The following POM121C variants were observed in gnomAD, a reference collection of about 807,000 sequenced individuals.
POM121C encodes nuclear envelope pore membrane protein POM 121C.
In POM121C, 20 loss-of-function variants were observed where a neutral mutation model predicts 66.4. That is an observed-to-expected ratio of 0.30 (90% CI 0.21 to 0.44). The LOEUF (loss-of-function observed/expected upper bound fraction) is 0.44, where lower values mean the gene tolerates loss of function less well. Ranked by LOEUF, POM121C falls within the 20% of genes least tolerant of loss-of-function variation. The pLI, the probability that POM121C is intolerant of heterozygous loss-of-function variation, is 1.00. For synonymous variants in POM121C, 286 were observed against 528.0 expected, an observed-to-expected ratio of 0.54 and a Z score of 6.28; for missense variants, 580 against 1,225.7, an observed-to-expected ratio of 0.47 and a Z score of 7.87.
At chr7:75,436,613 A>T (rs1338213174) in intron 7 of POM121C, among the ~76,000 whole-genome samples, 2 of 152,132 alleles carry the variant, frequency 1.3e-5, no homozygotes, top group Non-Finnish European at 2.9e-5. Context: ...TACATGCTTT[A>T]CATCTTTTTG....
chr7:75,427,940 C>T (rs1186255001), intron 7 of POM121C, among the ~76,000 whole-genome samples: 1 of 152,104 alleles, frequency 6.6e-6, no homozygotes, highest in Non-Finnish European at 1.5e-5. Flanking sequence ...ACGGCAATAA[C>T]AGTTGAAGTT....
intron 3 of POM121C, among the ~76,000 whole-genome samples, chr7:75,449,494 AGCTGAGACTATAGGCGCCC>A (rs1457200360): frequency 6.6e-6 from 1 of 151,740 alleles, no homozygotes; most frequent in Non-Finnish European, 1.5e-5. Flanking sequence ...CCTCCCGAGT[AGCTGAGACTATAGGCGCCC>A]GCTGCCACGC....
At chr7:75,439,102 T>C (rs1790528364) in intron 6 of POM121C, 42 bp downstream of exon 6, 3 of 1,608,134 alleles carry the variant, frequency 1.9e-6, no homozygotes, top group Non-Finnish European at 2.6e-6. Flanking sequence ...TCAGGCCTTT[T>C]TCCAAACAGT....
In POM121C at chr7:75,418,680, C is replaced by T; in HGVS notation, c.*116G>A. The stretch of plus-strand genomic sequence containing the variant: ...GCCACTGCCCCCTGGCGGCTGAAGC[C>T]AGAGATCCGGGGTAGGTTTGCTTTA... On this transcript the variant is annotated 3_prime_UTR_variant, in exon 15 of 15. Transcript: ENST00000615331. 7.2e-7 allele frequency: 1 copy of T among 1,381,060 alleles called. No individual in the cohort carries two copies. Among genetic ancestry groups the T allele is most frequent in the East Asian group, 2.8e-5 (1 of 35,456 alleles). The allele number at this position is 1,381,060 out of a possible 1,614,324, so 85.6% of individuals were successfully genotyped here.
At chr7:75,450,419 T>C (rs1790983766) in intron 3 of POM121C, among the ~76,000 whole-genome samples, 1 of 152,190 alleles carries the variant, frequency 6.6e-6, no homozygotes, top group Non-Finnish European at 1.5e-5. Flanking sequence ...CACTCAGTTG[T>C]TACACGGGCT....
intron 7 of POM121C, among the ~76,000 whole-genome samples, chr7:75,434,960 C>T (rs1554472899): frequency 5.9e-5 from 9 of 152,022 alleles, no homozygotes; most frequent in Non-Finnish European, 1.3e-4. Context: ...AGAAATGGTC[C>T]CTTTCATTCA....
intron 3 of POM121C, among the ~76,000 whole-genome samples, chr7:75,456,710 T>C (rs1791229425): frequency 1.3e-5 from 2 of 152,404 alleles, no homozygotes; most frequent in African/African-American, 2.4e-5. Flanking sequence ...GCAAAATGTA[T>C]TGCCGCTAAA....
At chr7:75,449,979 A>G (rs1484419354) in intron 3 of POM121C, among the ~76,000 whole-genome samples, 3 of 152,116 alleles carry the variant, frequency 2.0e-5, no homozygotes, top group Non-Finnish European at 4.4e-5. Flanking sequence ...GTGCCACTGC[A>G]CTCTAGCCTG....
At chr7:75,442,738 A>C (rs1554474292) in intron 3 of POM121C, 1 of 1,347,412 alleles carries the variant, frequency 7.4e-7, no homozygotes, top group East Asian at 3.1e-5. Context: ...CGCGCCGCGG[A>C]GGAGACTTAA....
intron 3 of POM121C, among the ~76,000 whole-genome samples, chr7:75,466,249 TAAG>T (rs1445788874): frequency 6.6e-6 from 1 of 151,050 alleles, no homozygotes; most frequent in African/African-American, 2.4e-5. Flanking sequence ...GCTTCCATTT[TAAG>T]AAACTAGAAA....
intron 2 of POM121C, 41 bp downstream of exon 2, chr7:75,475,021 C>T (rs1792023400): frequency 6.9e-7 from 1 of 1,457,464 alleles, no homozygotes; most frequent in Non-Finnish European, 9.6e-7. Context: ...AGCATAAAAC[C>T]CCATTCAACT....
At chr7:75,439,007 A>G (rs1408488664) in intron 6 of POM121C, 137 bp downstream of exon 6, 9 of 943,002 alleles carry the variant, frequency 9.5e-6, no homozygotes, top group Middle Eastern at 2.8e-4. Flanking sequence ...GTTACTCAGA[A>G]TATTCCTAAT....
intron 1 of POM121C, among the ~76,000 whole-genome samples, chr7:75,479,110 G>A (rs1468552099): frequency 6.6e-6 from 1 of 151,964 alleles, no homozygotes; most frequent in Non-Finnish European, 1.5e-5. Flanking sequence ...AAGCACTGTG[G>A]AGAAAAATCC....
chr7:75,481,973 A>T (rs1439705116), intron 1 of POM121C, among the ~76,000 whole-genome samples: 1 of 152,142 alleles, frequency 6.6e-6, no homozygotes, highest in African/African-American at 2.4e-5. Flanking sequence ...AAAACAAAGA[A>T]GGTAACACGT....
At chr7:75,430,814 T>C (rs1476062050) in intron 7 of POM121C, among the ~76,000 whole-genome samples, 4 of 151,996 alleles carry the variant, frequency 2.6e-5, no homozygotes, top group Non-Finnish European at 5.9e-5. Context: ...CGGTGGCTCA[T>C]GCCTGTAATC....
chr7:75,470,136 G>A (rs1276974124), intron 3 of POM121C, among the ~76,000 whole-genome samples: 2 of 146,850 alleles, frequency 1.4e-5, no homozygotes, highest in African/African-American at 5.0e-5. Flanking sequence ...GGCTGGTCTC[G>A]AACTCCTGAA....
At position 75,429,327 on chromosome 7, in the gene POM121C, T is replaced by C. The variant is rs118157152; in HGVS notation, c.481-2874A>G. On this transcript the variant is annotated intron_variant, in intron 7 of 14. Transcript: ENST00000615331. ...CACATTTTGAAGACACTATTTATAA[T>C]AGCATCAAAACCATATACCTAGGGC... is the stretch of plus-strand genomic sequence containing the variant. Among the ~76,000 whole-genome samples, 909 of 152,346 alleles carry C rather than the reference T, an allele frequency of 6.0e-3. 3 individuals are homozygous for C. Among genetic ancestry groups the C allele is most frequent in the Middle Eastern group, 0.02 (6 of 294 alleles).
intron 1 of POM121C, among the ~76,000 whole-genome samples, chr7:75,481,830 A>T (rs1451814360): frequency 6.6e-6 from 1 of 152,144 alleles, no homozygotes; most frequent in Non-Finnish European, 1.5e-5. Context: ...AAAAGAAAAG[A>T]AAAGTATTTT....
In POM121C at chr7:75,441,369, A is replaced by G. The variant is rs1479322955; in HGVS notation, c.65+63T>C. 2.0e-6 allele frequency: 3 copies of G among 1,476,258 alleles called. No homozygotes were observed. In the Admixed American group the frequency reaches 5.3e-5, roughly 26 times the overall value. The allele number at this position is 1,476,258 out of a possible 1,614,324, so 91.4% of individuals were successfully genotyped here. On this transcript the variant is annotated intron_variant, in intron 4 of 14. Coordinates refer to ENST00000615331, the MANE Select transcript of POM121C (RefSeq NM_001099415.3). Reference sequence around the variant, plus strand: ...GCGTTGTAGTCATGTTGTCACAGGAACAACTGGAGAAGAATAAAGTGGACA... The same window carrying G: ...GCGTTGTAGTCATGTTGTCACAGGAGCAACTGGAGAAGAATAAAGTGGACA...
Sources: allele counts gnomAD v4.1 joint callset (sites outside exome capture counted in the v4.1 genomes callset), GRCh38; gene constraint gnomAD v4.1.1; transcripts MANE v1.5; gene names NCBI Gene and HGNC (gene_info 2026-07-23, HGNC 2026-07-21).